Variants in PHF24 observed in about 807,000 individuals in gnomAD.
PHF24 encodes the protein Galpha inhibitory interacting protein.
A neutral mutation model predicts 42.6 loss-of-function variants in PHF24; 25 were observed. That is an observed-to-expected ratio of 0.59 (90% CI 0.43 to 0.82). The LOEUF (loss-of-function observed/expected upper bound fraction) is 0.82. Among genes scored for constraint, PHF24 ranks in the 40% least tolerant of loss-of-function variants. PHF24 has a pLI of 0.00. For synonymous variants in PHF24, 185 were observed against 204.8 expected, an observed-to-expected ratio of 0.90 and a Z score of 0.83; for missense variants, 470 against 538.1, an observed-to-expected ratio of 0.87 and a Z score of 1.25.
chr9:34,849,886 T>G, the PHF24 span, among the ~76,000 whole-genome samples: 1 of 152,082 alleles, frequency 6.6e-6, no homozygotes, highest in East Asian at 1.9e-4. Flanking sequence ...GATATGAAAT[T>G]CTGGGTTGAA....
chr9:34,833,464 G>A, the PHF24 span: 10 of 1,550,106 alleles, frequency 6.5e-6, no homozygotes, highest in Middle Eastern at 1.7e-4. Flanking sequence ...TGTCTGGTGG[G>A]ATGGGCAGTT....
the PHF24 span, chr9:34,665,801 G>T: frequency 9.1e-3 from 5,808 of 636,298 alleles, 213 homozygotes; most frequent in African/African-American, 0.086. Flanking sequence ...AGAAGCCTCA[G>T]TTGCCACCAC....
At chr9:34,740,424 C>T in the PHF24 span, among the ~76,000 whole-genome samples, 3 of 152,240 alleles carry the variant, frequency 2.0e-5, no homozygotes, top group Admixed American at 6.5e-5. Context: ...AGCGCAGCGC[C>T]GGTGGGCGGG....
the PHF24 span, among the ~76,000 whole-genome samples, chr9:34,695,671 C>T: frequency 6.6e-6 from 1 of 152,076 alleles, no homozygotes; most frequent in Admixed American, 6.6e-5. Context: ...AATTAGGGGA[C>T]ACCCATCTGG....
the PHF24 span, chr9:34,835,924 G>T: frequency 7.7e-6 from 6 of 781,860 alleles, no homozygotes; most frequent in African/African-American, 1.0e-4. Context: ...CGACAAAGTT[G>T]GGGAGATCTA....
chr9:34,917,956 T>A, the PHF24 span: 1 of 1,530,822 alleles, frequency 6.5e-7, no homozygotes, highest in South Asian at 1.1e-5. Context: ...ACCAAGGCCA[T>A]GTGGGAGGAG....
chr9:34,853,815 G>A, the PHF24 span, among the ~76,000 whole-genome samples: 26 of 130,602 alleles, frequency 2.0e-4, no homozygotes, highest in African/African-American at 6.2e-4. Flanking sequence ...GTGACAGAGC[G>A]AGACTCCGTC....
the PHF24 span, among the ~76,000 whole-genome samples, chr9:34,771,072 C>T: frequency 7.9e-5 from 12 of 152,150 alleles, no homozygotes; most frequent in African/African-American, 2.7e-4. Context: ...GAGATTGAGC[C>T]AGTGCACTCC....
chr9:34,769,204 C>T, the PHF24 span, among the ~76,000 whole-genome samples: 3 of 152,174 alleles, frequency 2.0e-5, no homozygotes, highest in Non-Finnish European at 4.4e-5. Flanking sequence ...GCAACTTCGC[C>T]TCCCAGGTTC....
chr9:34,788,608 A>G, the PHF24 span, among the ~76,000 whole-genome samples: 2 of 152,200 alleles, frequency 1.3e-5, no homozygotes, highest in Non-Finnish European at 2.9e-5. Flanking sequence ...TGATAGCAAA[A>G]GAAGCCAACA....
the PHF24 span, among the ~76,000 whole-genome samples, chr9:34,720,451 C>CAAAAAAA: frequency 1.7e-4 from 6 of 34,610 alleles, 2 homozygotes; most frequent in Non-Finnish European, 2.7e-4. Context: ...GACTCCGTCT[C>CAAAAAAA]AAAAAAAAAA....
chr9:34,760,045 A>C, the PHF24 span, among the ~76,000 whole-genome samples: 79 of 151,494 alleles, frequency 5.2e-4, 1 homozygote, highest in Non-Finnish European at 5.9e-5. Flanking sequence ...CGATGTGGGC[A>C]TGGATCATCA....
the PHF24 span, among the ~76,000 whole-genome samples, chr9:34,707,856 C>T: frequency 2.0e-5 from 3 of 152,058 alleles, no homozygotes; most frequent in Non-Finnish European, 4.4e-5. Flanking sequence ...CTCAGCCTCC[C>T]GAGTAGCTGG....
chr9:34,799,977 C>T, the PHF24 span, among the ~76,000 whole-genome samples: 1 of 151,902 alleles, frequency 6.6e-6, no homozygotes, highest in Non-Finnish European at 1.5e-5. Context: ...ACAACAGAGA[C>T]TTGGAAGGAT....
chr9:34,839,459 G>C, the PHF24 span, among the ~76,000 whole-genome samples: 1 of 152,098 alleles, frequency 6.6e-6, no homozygotes, highest in Non-Finnish European at 1.5e-5. Context: ...ATACTCTGCC[G>C]ATTAATTTAT....
chr9:34,870,793 G>A, the PHF24 span, among the ~76,000 whole-genome samples: 8 of 152,124 alleles, frequency 5.3e-5, no homozygotes, highest in Middle Eastern at 3.4e-3. Flanking sequence ...TTCATACCTC[G>A]TTTCTTTTTA....
chr9:34,680,108 G>C, the PHF24 span, among the ~76,000 whole-genome samples: 15 of 152,300 alleles, frequency 9.8e-5, no homozygotes, highest in African/African-American at 3.1e-4. Flanking sequence ...GGGTGCAGTG[G>C]CTCATGCCTG....
chr9:34,792,487 A>G, the PHF24 span, among the ~76,000 whole-genome samples: 1 of 152,204 alleles, frequency 6.6e-6, no homozygotes, highest in Non-Finnish European at 1.5e-5. Flanking sequence ...CCTGACCAAC[A>G]TGGAGAAATC....
chr9:34,824,442 G>A, the PHF24 span, among the ~76,000 whole-genome samples: 1 of 152,212 alleles, frequency 6.6e-6, no homozygotes, highest in South Asian at 2.1e-4. Flanking sequence ...GTTAGAGTTA[G>A]AATTATGCTT....
Sources: gnomAD v4.1 joint callset for allele counts (sites outside exome capture counted in the v4.1 genomes callset) on GRCh38, gnomAD v4.1.1 for gene constraint, MANE v1.5 for transcripts, NCBI Gene and HGNC (gene_info 2026-07-23, HGNC 2026-07-21) for gene names.